The following DIAPH2 variants were observed in gnomAD, a reference collection of about 807,000 sequenced individuals.
DIAPH2 encodes diaphanous related formin 2.
A neutral mutation model predicts 92.7 loss-of-function variants in DIAPH2; 35 were observed. The observed-to-expected ratio is 0.38, with a 90% confidence interval of 0.29 to 0.50. The LOEUF (loss-of-function observed/expected upper bound fraction) is 0.50, where lower values mean the gene tolerates loss of function less well. Ranked by LOEUF, DIAPH2 falls within the 20% of genes least tolerant of loss-of-function variation. DIAPH2 has a pLI of 0.94. For synonymous variants in DIAPH2, 301 were observed against 280.4 expected (o/e 1.07, Z -0.73); for missense variants, 701 against 819.5 (o/e 0.86, Z 1.77).
chrX:97,358,065 GC>G (rs960264379), intron 24 of DIAPH2, among the ~76,000 whole-genome samples: 2 of 111,789 alleles, frequency 1.8e-5, no homozygotes, highest in African/African-American at 6.5e-5. Flanking sequence ...CTATTTTGTT[GC>G]CAGAGAAGCA....
intron 22 of DIAPH2, among the ~76,000 whole-genome samples, chrX:97,167,331 G>A (rs977005772): frequency 1.2e-4 from 13 of 111,274 alleles, no homozygotes; most frequent in Non-Finnish European, 3.8e-5. Flanking sequence ...TATTCAATTA[G>A]AAATCAAAAC....
chrX:97,259,875 G>T (rs991942376), intron 23 of DIAPH2, among the ~76,000 whole-genome samples: 3 of 112,231 alleles, frequency 2.7e-5, no homozygotes, highest in African/African-American at 9.7e-5. Context: ...TGTCGTCCAG[G>T]CTGGAGTGCA....
At chrX:97,285,225 G>A (rs765163371) in intron 23 of DIAPH2, among the ~76,000 whole-genome samples, 60 of 109,372 alleles carry the variant, frequency 5.5e-4, no homozygotes, top group African/African-American at 1.9e-3. Flanking sequence ...TTCAAATTCA[G>A]CTTTCTAGAA....
At chrX:96,859,799 G>A (rs939974011) in intron 4 of DIAPH2, among the ~76,000 whole-genome samples, 16 of 109,367 alleles carry the variant, frequency 1.5e-4, no homozygotes, top group Middle Eastern at 4.7e-3. Context: ...CCACCACCAC[G>A]CCCGGCTAAT....
intron 22 of DIAPH2, among the ~76,000 whole-genome samples, chrX:97,159,473 T>G (rs947428228): frequency 8.9e-6 from 1 of 111,936 alleles, no homozygotes; most frequent in Non-Finnish European, 1.9e-5. Context: ...TCTGAACATA[T>G]CTTGGAGCCA....
At chrX:97,122,476 A>G (rs2067064993) in intron 21 of DIAPH2, among the ~76,000 whole-genome samples, 2 of 111,701 alleles carry the variant, frequency 1.8e-5, no homozygotes, top group South Asian at 3.7e-4. Flanking sequence ...TCTTTACCCA[A>G]GATCACTTAG....
chrX:97,389,240 G>A (rs972568235), intron 25 of DIAPH2, among the ~76,000 whole-genome samples: 7 of 109,484 alleles, frequency 6.4e-5, no homozygotes, highest in South Asian at 4.0e-4. Flanking sequence ...TGGCCTAGGC[G>A]GGTGGATCAT....
In DIAPH2 at chrX:96,997,326, C is replaced by T. The variant is rs113452761; in HGVS notation, c.2050+32119C>T. ...AATGTATGCATCCTAGAGATGCTATCGTTGTAGTATCTAGGAGTTGTATAA... is the reference window on the plus strand; with the variant it reads ...AATGTATGCATCCTAGAGATGCTATTGTTGTAGTATCTAGGAGTTGTATAA... On this transcript the variant is annotated intron_variant, in intron 17 of 26. Coordinates refer to ENST00000324765, the MANE Select transcript of DIAPH2 (RefSeq NM_006729.5). Among the ~76,000 whole-genome samples the T allele has an allele frequency of 9.1e-3, 1,010 of 111,224 alleles. 7 individuals carry two copies. Among genetic ancestry groups the T allele is most frequent in the Non-Finnish European group, 0.013 (705 of 52,895 alleles).
At chrX:97,507,853 T>C (rs1387101370) in intron 26 of DIAPH2, among the ~76,000 whole-genome samples, 3 of 111,161 alleles carry the variant, frequency 2.7e-5, no homozygotes, top group African/African-American at 9.8e-5. Context: ...ATACTGGGGA[T>C]GGATCAGAGA....
At chrX:96,976,047 T>G (rs2065959290) in intron 17 of DIAPH2, among the ~76,000 whole-genome samples, 1 of 90,386 alleles carries the variant, frequency 1.1e-5, no homozygotes, top group Admixed American at 1.2e-4. Flanking sequence ...TTTTCCACTC[T>G]GTAACCCAGG....
chrX:97,497,238 T>C (rs1378383476), intron 26 of DIAPH2, among the ~76,000 whole-genome samples: 3 of 111,192 alleles, frequency 2.7e-5, no homozygotes, highest in Non-Finnish European at 5.7e-5. Flanking sequence ...CAGGACCAAA[T>C]AAGATATCAT....
chrX:97,283,274 C>G (rs956974447), intron 23 of DIAPH2, among the ~76,000 whole-genome samples: 3 of 111,561 alleles, frequency 2.7e-5, no homozygotes, highest in African/African-American at 6.5e-5. Flanking sequence ...CATGGATGGA[C>G]CTACCTGTCT....
At chrX:97,386,322 G>T (rs898385503) in intron 25 of DIAPH2, among the ~76,000 whole-genome samples, 11 of 111,838 alleles carry the variant, frequency 9.8e-5, no homozygotes, top group Admixed American at 5.7e-4. Context: ...GTACAGCATG[G>T]CAATATGTGT....
intron 17 of DIAPH2, among the ~76,000 whole-genome samples, chrX:97,041,163 A>T (rs753533882): frequency 1.2e-4 from 13 of 110,760 alleles, no homozygotes; most frequent in Non-Finnish European, 2.1e-4. Context: ...TTTATTGAGT[A>T]CTTCTTGTGG....
At chrX:96,915,104 T>C (rs1355599122) in intron 7 of DIAPH2, among the ~76,000 whole-genome samples, 1 of 111,232 alleles carries the variant, frequency 9.0e-6, no homozygotes, top group African/African-American at 3.2e-5. Context: ...ATAATATTGC[T>C]CTGATGTTTG....
intron 22 of DIAPH2, among the ~76,000 whole-genome samples, chrX:97,209,375 C>A (rs766119167): frequency 4.5e-4 from 50 of 110,906 alleles, no homozygotes; most frequent in African/African-American, 1.5e-3. Context: ...TAAAAACAAG[C>A]AAATGCCCAA....
chrX:97,370,162 TAA>T (rs774415914), intron 24 of DIAPH2, among the ~76,000 whole-genome samples: 4 of 111,791 alleles, frequency 3.6e-5, no homozygotes, highest in East Asian at 2.8e-4. Flanking sequence ...AATGAAGGCA[TAA>T]GTCACTGGAT....
intron 26 of DIAPH2, among the ~76,000 whole-genome samples, chrX:97,463,246 T>G (rs1001679457): frequency 9.4e-6 from 1 of 106,038 alleles, no homozygotes; most frequent in Non-Finnish European, 1.9e-5. Context: ...CAATTCTATG[T>G]TCCTGTGACA....
Position 97,075,201 on chromosome X carries a change from A to G in DIAPH2, c.2187A>G (p.Glu729=). 2 of 1,192,147 alleles carry G rather than the reference A, an allele frequency of 1.7e-6. No homozygotes were observed. Among genetic ancestry groups the G allele is most frequent in the Non-Finnish European group, 2.3e-6 (2 of 884,862 alleles). ...IFLGSYRMPY[E]DIRNVILEVN... The stretch of plus-strand genomic sequence containing the variant: ...TGGGATCATATCGCATGCCATATGA[A>G]GACATAAGAAACGTTATTCTGGAGG... Residue 729 remains glutamate (E), a synonymous_variant, in exon 19 of 27, where the codon GAA becomes GAG. Coordinates refer to ENST00000324765, the MANE Select transcript of DIAPH2 (RefSeq NM_006729.5).
Sources: allele counts gnomAD v4.1 joint callset (sites outside exome capture counted in the v4.1 genomes callset), GRCh38; gene constraint gnomAD v4.1.1; transcripts MANE v1.5; gene names NCBI Gene and HGNC (gene_info 2026-07-23, HGNC 2026-07-21).